Variants in ACYP2 observed in about 807,000 individuals in gnomAD.
ACYP2 encodes acylphosphatase-2.
In ACYP2, 12 loss-of-function variants were observed where a neutral mutation model predicts 11.2. The observed-to-expected ratio is 1.08, with a 90% CI of 0.69 to 1.74. The LOEUF is 1.74. Among genes scored for constraint, ACYP2 ranks in the 40% most tolerant of loss-of-function variants. The pLI is 0.00. For synonymous variants in ACYP2, 43 were observed against 32.2 expected, an observed-to-expected ratio of 1.33 and a Z score of -1.13; for missense variants, 134 against 101.9, an observed-to-expected ratio of 1.31 and a Z score of -1.35.
chr2:54,004,646 G>A (rs1672967847), intron 2 of ACYP2, among the ~76,000 whole-genome samples: 1 of 151,682 alleles, frequency 6.6e-6, no homozygotes, highest in Admixed American at 6.6e-5. Context: ...TCCTGACCTT[G>A]TGATCGGCCC....
At chr2:53,989,277 CTTTTTTTTT>C (rs775237196) in intron 2 of ACYP2, among the ~76,000 whole-genome samples, 2 of 94,806 alleles carry the variant, frequency 2.1e-5, no homozygotes, top group Admixed American at 1.2e-4. Flanking sequence ...GTAGACAATT[CTTTTTTTTT>C]TTTTTTTTTT....
rs573450183 is a variant in ACYP2, at chr2:54,104,516, G to C, written c.278-30937G>C. Among the ~76,000 whole-genome samples, 5 of 152,230 alleles carry C rather than the reference G, an allele frequency of 3.3e-5. No homozygotes were observed. The South Asian group carries it at 1.0e-3, about 32-fold the overall frequency. Reference sequence around the variant, plus strand: ...CAGGTTTTGTTAAGTAGACATTTTTGATGTAGTTAGATTTTACCAAACTGC... The same window carrying C: ...CAGGTTTTGTTAAGTAGACATTTTTCATGTAGTTAGATTTTACCAAACTGC... On this transcript the variant is annotated intron_variant, in intron 4 of 6. Coordinates refer to ENST00000607452, the MANE Select transcript of ACYP2 (RefSeq NM_001320586.2).
At chr2:54,060,501 G>C (rs1676413065) in intron 4 of ACYP2, among the ~76,000 whole-genome samples, 1 of 151,822 alleles carries the variant, frequency 6.6e-6, no homozygotes, top group South Asian at 2.1e-4. Flanking sequence ...TACTGTCTTT[G>C]TTTCTTCTGG....
intron 6 of ACYP2, among the ~76,000 whole-genome samples, chr2:54,148,980 G>A (rs945359347): frequency 9.9e-5 from 15 of 152,214 alleles, no homozygotes; most frequent in African/African-American, 2.9e-4. Context: ...GTCCAGGAAC[G>A]GTGGCTCACA....
chr2:54,202,757 C>G (rs1376873279), intron 6 of ACYP2, among the ~76,000 whole-genome samples: 14 of 78,702 alleles, frequency 1.8e-4, no homozygotes, highest in East Asian at 4.3e-4. Flanking sequence ...TGAGATGAGT[C>G]TTGCTATGTT....
chr2:54,008,951 G>A (rs1160436192), intron 2 of ACYP2, among the ~76,000 whole-genome samples: 3 of 152,024 alleles, frequency 2.0e-5, no homozygotes, highest in African/African-American at 7.2e-5. Context: ...TCAAGAGTTC[G>A]AGACCAGCCT....
chr2:54,130,621 CTT>C (rs1446067387), intron 4 of ACYP2, among the ~76,000 whole-genome samples: 2 of 152,162 alleles, frequency 1.3e-5, no homozygotes, highest in African/African-American at 4.8e-5. Flanking sequence ...ATTATGGTAA[CTT>C]TAAGTATATA....
rs770656247 is a variant in ACYP2 at position 54,071,021 on chromosome 2, G to A, written c.277+13661G>A. On this transcript the variant is annotated intron_variant, in intron 4 of 6. Coordinates refer to ENST00000607452, the MANE Select transcript of ACYP2 (RefSeq NM_001320586.2). Reference sequence around the variant, plus strand: ...CCTGCCTTGGCCTCCCAAAGTGCTGGGATTACAGGCATAAGACACTGCACC... The same window carrying A: ...CCTGCCTTGGCCTCCCAAAGTGCTGAGATTACAGGCATAAGACACTGCACC... Among the ~76,000 whole-genome samples the A allele has an allele frequency of 5.9e-4, 90 of 151,980 alleles. 3 individuals are homozygous for A. The highest frequency in any genetic ancestry group is 1.9e-4 in the East Asian group (1 of 5,166).
chr2:54,293,452 C>T (rs1297256346), intron 6 of ACYP2, among the ~76,000 whole-genome samples: 1 of 152,148 alleles, frequency 6.6e-6, no homozygotes, highest in Non-Finnish European at 1.5e-5. Context: ...CTCTTCCAGA[C>T]TCTCACCCAA....
chr2:54,096,842 A>ACCGTGGGGAGAGGGAGG (rs1212193614), intron 4 of ACYP2, among the ~76,000 whole-genome samples: 1 of 151,740 alleles, frequency 6.6e-6, no homozygotes, highest in East Asian at 1.9e-4. Flanking sequence ...GGAGAGGGAG[A>ACCGTGGGGAGAGGGAGG]CCGTGGGGAG....
At chr2:54,168,890 T>C (rs1015410200) in intron 6 of ACYP2, among the ~76,000 whole-genome samples, 1 of 152,204 alleles carries the variant, frequency 6.6e-6, no homozygotes, top group Admixed American at 6.5e-5. Flanking sequence ...AAATTTTTAG[T>C]GCATGCTTTC....
chr2:54,043,591 A>C (rs1675357147), intron 2 of ACYP2, among the ~76,000 whole-genome samples: 1 of 152,200 alleles, frequency 6.6e-6, no homozygotes, highest in Non-Finnish European at 1.5e-5. Context: ...ACATTGTGCT[A>C]ATTAAAAAAT....
chr2:54,052,582 G>T (rs112573449), intron 3 of ACYP2, among the ~76,000 whole-genome samples: 1 of 152,118 alleles, frequency 6.6e-6, no homozygotes, highest in African/African-American at 2.4e-5. Context: ...AAAAAAAGTC[G>T]CAGCTGTTCT....
chr2:54,047,180 C>T (rs1031989556), intron 2 of ACYP2, among the ~76,000 whole-genome samples: 1 of 152,210 alleles, frequency 6.6e-6, no homozygotes, highest in Non-Finnish European at 1.5e-5. Flanking sequence ...TAATTGACGT[C>T]ACCATCTTGT....
At chr2:54,055,904 T>C (rs1194533008) in intron 3 of ACYP2, among the ~76,000 whole-genome samples, 1 of 152,216 alleles carries the variant, frequency 6.6e-6, no homozygotes, top group Non-Finnish European at 1.5e-5. Context: ...TACTGTCAGA[T>C]ATAGTACCTC....
intron 6 of ACYP2, among the ~76,000 whole-genome samples, chr2:54,219,905 A>ATATATATATTT (rs1288814375): frequency 7.9e-5 from 6 of 75,988 alleles, no homozygotes; most frequent in South Asian, 6.1e-4. Context: ...ATATATATAT[A>ATATATATATTT]TTTTTTTTTT....
At chr2:54,250,728 AATT>A (rs1324468669) in intron 6 of ACYP2, among the ~76,000 whole-genome samples, 3 of 152,216 alleles carry the variant, frequency 2.0e-5, no homozygotes, top group Non-Finnish European at 4.4e-5. Context: ...TCAAATGGTA[AATT>A]ATTATCACCC....
chr2:54,259,500 A>G (rs965802687), intron 6 of ACYP2, among the ~76,000 whole-genome samples: 2 of 152,230 alleles, frequency 1.3e-5, no homozygotes, highest in Non-Finnish European at 2.9e-5. Flanking sequence ...AAACCAAGAG[A>G]GTGCAATGTG....
chr2:54,070,614 C>T (rs1251686051), intron 4 of ACYP2, among the ~76,000 whole-genome samples: 2 of 152,194 alleles, frequency 1.3e-5, no homozygotes, highest in African/African-American at 4.8e-5. Flanking sequence ...ATTCAGCCCT[C>T]TGTGTTCCAG....
Sources: gnomAD v4.1 joint callset for allele counts (sites outside exome capture counted in the v4.1 genomes callset) on GRCh38, gnomAD v4.1.1 for gene constraint, MANE v1.5 for transcripts, NCBI Gene and HGNC (gene_info 2026-07-23, HGNC 2026-07-21) for gene names.